The following CDS1 variants were observed in gnomAD, a reference collection of about 807,000 sequenced individuals.
The protein encoded by CDS1 is phosphatidate cytidylyltransferase 1.
In CDS1, 41 loss-of-function variants were observed where a neutral mutation model predicts 62.1. The ratio of observed to expected loss-of-function variants is 0.66; its 90% CI spans 0.51 to 0.86. The LOEUF is 0.86. CDS1 is among the 40% of genes least tolerant of loss of function. The probability of loss-of-function intolerance (pLI) is 0.00; values close to 1 mark genes in which losing one functional copy is unlikely to be tolerated. For synonymous variants in CDS1, 185 were observed against 192.6 expected, an observed-to-expected ratio of 0.96 and a Z score of 0.32; for missense variants, 470 against 550.1, an observed-to-expected ratio of 0.85 and a Z score of 1.46.
chr4:84,609,155 GGT>G (rs1475922065), intron 2 of CDS1, among the ~76,000 whole-genome samples: 5 of 149,108 alleles, frequency 3.4e-5, no homozygotes, highest in Admixed American at 1.3e-4. Context: ...CTCCAGCCTG[GGT>G]GCGACAGAGC....
In CDS1 at chr4:84,640,843, C is replaced by A; in HGVS notation, c.885C>A (p.Ala295=). ...TGTTTTGTTTTTAATATCAGGCTGC[C>A]TATGTGTTATCCAAATACCAGTACT... ...FSTVVFGFIA[A]YVLSKYQYFV... The change falls in exon 10 of 13, where the codon GCC becomes GCA. Residue 295 remains alanine, a synonymous_variant. Coordinates refer to ENST00000295887, the MANE Select transcript of CDS1 (RefSeq NM_001263.4). 2 of 1,579,074 alleles carry A rather than the reference C, an allele frequency of 1.3e-6. No homozygotes were observed. Among genetic ancestry groups the A allele is most frequent in the South Asian group, 1.2e-5 (1 of 85,196 alleles).
At chr4:84,612,892 G>A (rs1259538992) in intron 3 of CDS1, among the ~76,000 whole-genome samples, 7 of 151,614 alleles carry the variant, frequency 4.6e-5, no homozygotes, top group Admixed American at 3.9e-4. Context: ...GGGAGGCTGA[G>A]GCAGGAGAAT....
chr4:84,629,057 C>T lies in CDS1; in HGVS notation c.581-2762C>T, dbSNP rs557753755. 9.4e-4 allele frequency among the ~76,000 whole-genome samples: 143 copies of T among 152,226 alleles called. 3 individuals are homozygous for T. In the South Asian group the frequency reaches 0.029, roughly 30 times the overall value. On this transcript the variant is annotated intron_variant, in intron 5 of 12. Coordinates refer to ENST00000295887, the MANE Select transcript of CDS1 (RefSeq NM_001263.4). ...TACTTTTATTTATACTACTACAACA[C>T]ATTCTGTGATTTTAATTTAGAAATA...
intron 5 of CDS1, among the ~76,000 whole-genome samples, chr4:84,624,297 A>G (rs1228032752): frequency 6.6e-6 from 1 of 151,192 alleles, no homozygotes; most frequent in Non-Finnish European, 1.5e-5. Context: ...CAAACAAAAA[A>G]AAAAAAACTA....
intron 4 of CDS1, among the ~76,000 whole-genome samples, chr4:84,618,551 AAG>A (rs903157804): frequency 2.6e-5 from 4 of 152,200 alleles, no homozygotes; most frequent in Admixed American, 2.6e-4. Flanking sequence ...TTGGATAAAG[AAG>A]AGTTTTCTAG....
At chr4:84,626,184 C>T (rs557376595) in intron 5 of CDS1, among the ~76,000 whole-genome samples, 2 of 151,900 alleles carry the variant, frequency 1.3e-5, no homozygotes, top group Admixed American at 1.3e-4. Context: ...AACAAACAAA[C>T]AAACAAAAAA....
chr4:84,616,140 C>T (rs1461182145), intron 3 of CDS1, among the ~76,000 whole-genome samples: 18 of 152,078 alleles, frequency 1.2e-4, no homozygotes, highest in Admixed American at 1.0e-3. Context: ...TTTGCTTTAC[C>T]GTTTTATCTT....
chr4:84,631,162 G>C (rs1724007855), intron 5 of CDS1, among the ~76,000 whole-genome samples: 1 of 152,146 alleles, frequency 6.6e-6, no homozygotes. Flanking sequence ...GAATTTTGCT[G>C]ATCTCAGTTC....
intron 5 of CDS1, among the ~76,000 whole-genome samples, chr4:84,629,878 T>C (rs932758190): frequency 1.3e-5 from 2 of 152,228 alleles, no homozygotes; most frequent in East Asian, 1.9e-4. Flanking sequence ...AATGGTGTTA[T>C]CATTTCAAGA....
chr4:84,619,365 T>C (rs780961692), intron 4 of CDS1, 29 bp from the exon 5 acceptor site: 8 of 1,283,352 alleles, frequency 6.2e-6, no homozygotes, highest in African/African-American at 1.5e-5. Flanking sequence ...GCTTCAAATA[T>C]AGAAAAGCTA....
intron 7 of CDS1, 45 bp downstream of exon 7, chr4:84,633,984 T>G: frequency 1.8e-6 from 2 of 1,132,570 alleles, no homozygotes; most frequent in African/African-American, 1.6e-5. Flanking sequence ...GTCATAGCAC[T>G]TTTATAGTTC....
intron 1 of CDS1, among the ~76,000 whole-genome samples, chr4:84,599,405 C>CACATATAT (rs1231093037): frequency 3.2e-4 from 8 of 24,702 alleles, no homozygotes; most frequent in African/African-American, 7.6e-4. Flanking sequence ...CACACACACA[C>CACATATAT]ATATATATAT....
intron 5 of CDS1, among the ~76,000 whole-genome samples, chr4:84,628,981 T>G (rs544028411): frequency 3.3e-5 from 5 of 152,324 alleles, no homozygotes; most frequent in Middle Eastern, 3.4e-3. Context: ...AGATAAATGA[T>G]GATAAGTATA....
At chr4:84,591,359 T>G (rs1035909707) in intron 1 of CDS1, among the ~76,000 whole-genome samples, 2 of 152,202 alleles carry the variant, frequency 1.3e-5, no homozygotes, top group African/African-American at 4.8e-5. Context: ...ATAAACATAT[T>G]TCTTGAGGCT....
intron 1 of CDS1, among the ~76,000 whole-genome samples, chr4:84,587,229 TA>T (rs1287867706): frequency 6.6e-6 from 1 of 152,102 alleles, no homozygotes; most frequent in Non-Finnish European, 1.5e-5. Flanking sequence ...TATATATTTA[TA>T]TATAATTTGG....
chr4:84,643,269 T>A, intron 11 of CDS1, 126 bp downstream of exon 11: 1 of 807,282 alleles, frequency 1.2e-6, no homozygotes, highest in Non-Finnish European at 1.9e-6. Flanking sequence ...CCTATTTGTT[T>A]CGACCCCACA....
chr4:84,622,452 G>A (rs539862203), intron 5 of CDS1, among the ~76,000 whole-genome samples: 3 of 152,246 alleles, frequency 2.0e-5, no homozygotes, highest in South Asian at 4.1e-4. Flanking sequence ...AATTAGCCGG[G>A]TGCGGTGGCA....
Position 84,638,955 on chromosome 4 carries a change from T to C in CDS1, c.842T>C (p.Ile281Thr), listed in dbSNP as rs1008336052. The C allele has an allele frequency of 6.4e-7, 1 of 1,574,226 alleles. No individual in the cohort carries two copies. The highest frequency in any genetic ancestry group is 1.4e-5 in the African/African-American group (1 of 73,414). ...CCTAAAAAGACTTGGGAAGGATTCA[T>C]TGGTGGTTTCTTTTCCACAGTTGTG... is the stretch of plus-strand genomic sequence containing the variant. ...LSPKKTWEGFIGGFFSTVVFG... is the reference protein window; with the variant it reads ...LSPKKTWEGFTGGFFSTVVFG... The change falls in exon 9 of 13, where the codon ATT (isoleucine) becomes ACT (threonine). Residue 281 changes from isoleucine (I) to threonine (T), a missense_variant. By Grantham distance (89) the Ile-to-Thr change is moderately conservative. Around this residue, in one of 5 missense-constraint regions of CDS1, gnomAD observed 214 missense variants for 242.4 expected, o/e 0.88. Coordinates refer to ENST00000295887, the MANE Select transcript of CDS1 (RefSeq NM_001263.4).
At chr4:84,599,414 A>G (rs962321536) in intron 1 of CDS1, among the ~76,000 whole-genome samples, 8 of 16,078 alleles carry the variant, frequency 5.0e-4, no homozygotes, top group Admixed American at 2.9e-3. Context: ...ACATATATAT[A>G]TATATATATA....
Sources: allele counts gnomAD v4.1 joint callset (sites outside exome capture counted in the v4.1 genomes callset), GRCh38; gene constraint gnomAD v4.1.1; regional missense constraint gnomAD v4.1.1; transcripts MANE v1.5; gene names NCBI Gene and HGNC (gene_info 2026-07-23, HGNC 2026-07-21).